Variants in TRDN observed in about 807,000 individuals in gnomAD.
TRDN encodes the protein triadin in skeletal muscle.
A neutral mutation model predicts 149.7 loss-of-function variants in TRDN; 161 were observed. That is an observed-to-expected ratio of 1.08 (90% CI 0.95 to 1.23). TRDN has a LOEUF of 1.23. Among genes scored for constraint, TRDN ranks in the 50% most tolerant of loss-of-function variants. The pLI, the probability that TRDN is intolerant of heterozygous loss-of-function variation, is 0.00. For missense variants in TRDN, 896 were observed against 823.5 expected, an observed-to-expected ratio of 1.09 and a Z score of -1.08; for synonymous variants, 294 against 250.5, an observed-to-expected ratio of 1.17 and a Z score of -1.64.
chr6:123,271,081 G>A (rs563446548), intron 30 of TRDN, 58 bp downstream of exon 30: 3 of 1,041,820 alleles, frequency 2.9e-6, no homozygotes, highest in Admixed American at 2.6e-5. Context: ...GCACACATAT[G>A]AGTGCACCAC....
At position 123,352,419 on chromosome 6, in the gene TRDN, G is replaced by C. The variant is rs1028713678; in HGVS notation, c.1369+120C>G. The C allele has an allele frequency of 3.8e-5, 55 of 1,451,438 alleles. 1 individual carries two copies. The African/African-American group carries it at 7.5e-4, about 20-fold the overall frequency. The allele number at this position is 1,451,438 out of a possible 1,614,324, so 89.9% of individuals were successfully genotyped here. On this transcript the variant is annotated intron_variant, in intron 21 of 40. Transcript: ENST00000334268. ...TGGCACAGAAAAACATGCAAGGACA[G>C]TGATAAAGAGTAATAGACTTAAAGG...
chr6:123,443,401 A>C (rs1242595720), intron 10 of TRDN, among the ~76,000 whole-genome samples: 1 of 152,086 alleles, frequency 6.6e-6, no homozygotes, highest in East Asian at 1.9e-4. Flanking sequence ...TATTGAAAAA[A>C]GTGGAAGAGC....
At chr6:123,297,722 C>T (rs1001122293) in intron 24 of TRDN, among the ~76,000 whole-genome samples, 1 of 151,984 alleles carries the variant, frequency 6.6e-6, no homozygotes, top group East Asian at 1.9e-4. Context: ...ATGCAAAGGG[C>T]GCATCCATTC....
At chr6:123,379,110 T>C (rs1781619717) in intron 16 of TRDN, among the ~76,000 whole-genome samples, 1 of 152,182 alleles carries the variant, frequency 6.6e-6, no homozygotes. Context: ...ATGGAAAGAT[T>C]CTTAAAGTTT....
rs75346089 is a variant in TRDN at position 123,270,708 on chromosome 6, T to C, written c.1720+431A>G. On this transcript the variant is annotated intron_variant, in intron 30 of 40. Coordinates refer to ENST00000334268, the MANE Select transcript of TRDN (RefSeq NM_006073.4). ...TTCTCTAAGGCAGACTTTAAAGTTA[T>C]ATAACCATATCCCTCTCTATGGAGC... Among the ~76,000 whole-genome samples the C allele has an allele frequency of 3.2e-3, 486 of 152,138 alleles. 19 individuals are homozygous for C. The East Asian group carries it at 0.079, about 25-fold the overall frequency.
At chr6:123,288,909 C>G (rs928978534) in intron 24 of TRDN, among the ~76,000 whole-genome samples, 5 of 151,596 alleles carry the variant, frequency 3.3e-5, no homozygotes, top group Admixed American at 3.3e-4. Context: ...GAATTGAAAT[C>G]AGGATGTCAG....
chr6:123,359,162 T>G (rs2114329557), intron 20 of TRDN, among the ~76,000 whole-genome samples: 1 of 152,244 alleles, frequency 6.6e-6, no homozygotes, highest in Admixed American at 6.5e-5. Context: ...AAACAGAGGT[T>G]TCTCGTCAAT....
chr6:123,275,406 C>T (rs1777337444), intron 26 of TRDN, among the ~76,000 whole-genome samples: 1 of 151,958 alleles, frequency 6.6e-6, no homozygotes, highest in South Asian at 2.1e-4. Flanking sequence ...CGAAGATTGC[C>T]AGAAAACACC....
At chr6:123,541,918 A>G (rs1293077332) in intron 4 of TRDN, among the ~76,000 whole-genome samples, 1 of 152,188 alleles carries the variant, frequency 6.6e-6, no homozygotes, top group Non-Finnish European at 1.5e-5. Context: ...TCCCGATGAC[A>G]TGATACAACC....
chr6:123,287,804 T>C (rs1318555752), intron 24 of TRDN, among the ~76,000 whole-genome samples: 1 of 152,086 alleles, frequency 6.6e-6, no homozygotes, highest in Non-Finnish European at 1.5e-5. Flanking sequence ...AATCAAATAA[T>C]AGACTTGATG....
intron 2 of TRDN, among the ~76,000 whole-genome samples, chr6:123,556,917 C>T (rs1583238386): frequency 6.6e-6 from 1 of 152,188 alleles, no homozygotes; most frequent in African/African-American, 2.4e-5. Context: ...TGGCCAGTTC[C>T]CACCTTAACT....
chr6:123,529,058 C>G (rs1780086054), intron 5 of TRDN: 19 of 1,420,078 alleles, frequency 1.3e-5, no homozygotes, highest in Non-Finnish European at 1.7e-5. Context: ...CGGTCTTTGA[C>G]ATCAGAATTC....
chr6:123,352,045 T>C (rs1038340391), intron 21 of TRDN: 1 of 978,194 alleles, frequency 1.0e-6, no homozygotes, highest in African/African-American at 1.8e-5. Context: ...CTTGGGAGAA[T>C]GGTTGAAGTC....
intron 12 of TRDN, among the ~76,000 whole-genome samples, chr6:123,407,648 C>G (rs1377128364): frequency 1.3e-5 from 2 of 152,006 alleles, no homozygotes; most frequent in South Asian, 2.1e-4. Context: ...AATACATACT[C>G]TTTCTCTTTT....
chr6:123,230,999 A>G (rs1170048198), intron 38 of TRDN, among the ~76,000 whole-genome samples: 3 of 151,978 alleles, frequency 2.0e-5, no homozygotes. Flanking sequence ...AAAATATCTG[A>G]TTTTACAAGA....
intron 21 of TRDN, chr6:123,351,108 T>G (rs1038688350): frequency 6.1e-6 from 6 of 984,916 alleles, no homozygotes; most frequent in African/African-American, 3.5e-5. Context: ...ATGAATATCA[T>G]GAGTAATCAG....
At chr6:123,277,786 TTTTAAGCCACCCAGTTTGTGGAA>T (rs1313843189) in intron 26 of TRDN, among the ~76,000 whole-genome samples, 2 of 152,184 alleles carry the variant, frequency 1.3e-5, no homozygotes, top group Non-Finnish European at 2.9e-5. Flanking sequence ...ATTTCTGTTG[TTTTAAGCCACCCAGTTTGTGGAA>T]TTTAAGCCAC....
chr6:123,547,614 TTA>T (rs1781180056), intron 3 of TRDN, among the ~76,000 whole-genome samples: 1 of 151,980 alleles, frequency 6.6e-6, no homozygotes, highest in Admixed American at 6.6e-5. Context: ...AAATTATACA[TTA>T]TAGGTTATAT....
Position 123,351,221 on chromosome 6 carries a change from C to G in TRDN, c.1369+1318G>C, listed in dbSNP as rs958678346. The stretch of plus-strand genomic sequence containing the variant: ...AAATTGATTTTATAAGAAAAAATGC[C>G]TAAGTATCTGTTACATGCTTATCTA... On this transcript the variant is annotated intron_variant, in intron 21 of 40. Transcript: ENST00000334268. 3.6e-5 allele frequency: 35 copies of G among 981,668 alleles called. No individual in the cohort carries two copies. In the African/African-American group the frequency reaches 5.4e-4, roughly 15 times the overall value. 60.8% of individuals were successfully genotyped at this position (981,668 alleles called of 1,614,324 possible). A position where few individuals can be genotyped will look rare whatever the true frequency, so the allele number is the denominator to read the frequency against.
Sources: gnomAD v4.1 joint callset for allele counts (sites outside exome capture counted in the v4.1 genomes callset) on GRCh38, gnomAD v4.1.1 for gene constraint, MANE v1.5 for transcripts, NCBI Gene and HGNC (gene_info 2026-07-23, HGNC 2026-07-21) for gene names.